The following CCDC3 variants were observed in gnomAD, a reference collection of about 807,000 sequenced individuals.
CCDC3 encodes coiled-coil domain-containing protein 3.
CCDC3 carries 24 observed loss-of-function variants against 21.4 expected under a neutral mutation model. That is an observed-to-expected ratio of 1.12 (90% CI 0.81 to 1.58). CCDC3 has a LOEUF of 1.58. CCDC3 is among the 40% of genes most tolerant of loss of function. The probability of loss-of-function intolerance (pLI) is 0.00; values close to 1 mark genes in which losing one functional copy is unlikely to be tolerated. For missense variants in CCDC3, 425 were observed against 360.9 expected (o/e 1.18, Z -1.44); for synonymous variants, 186 against 166.0 (o/e 1.12, Z -0.93).
At position 12,933,352 on chromosome 10, in the gene CCDC3, C is replaced by T. The variant is rs188367292; in HGVS notation, c.550-34673G>A. Among the ~76,000 whole-genome samples the T allele has an allele frequency of 5.7e-3, 866 of 152,020 alleles. 10 individuals are homozygous for T. The highest frequency in any genetic ancestry group is 0.02 in the African/African-American group (824 of 41,448). On this transcript the variant is annotated intron_variant, in intron 2 of 2. Transcript: ENST00000378825. Reference sequence around the variant, plus strand: ...TAGATTATAGGTCTATTCAGATTCTCTTTCTTTTTACATGAATTTTAACAA... The same window carrying T: ...TAGATTATAGGTCTATTCAGATTCTTTTTCTTTTTACATGAATTTTAACAA...
At chr10:12,984,455 T>G (rs1430332735) in intron 2 of CCDC3, among the ~76,000 whole-genome samples, 1 of 152,204 alleles carries the variant, frequency 6.6e-6, no homozygotes, top group Non-Finnish European at 1.5e-5. Flanking sequence ...ACACTGCTGG[T>G]GGGCACGTAA....
intron 2 of CCDC3, among the ~76,000 whole-genome samples, chr10:12,960,586 G>C (rs2580885): frequency 0.99 from 151,054 of 152,304 alleles, 74,927 homozygotes; most frequent in Middle Eastern, 1. Flanking sequence ...TACTTTCGTA[G>C]TAGGCTCTAG....
At chr10:12,922,254 C>T (rs973258761) in intron 2 of CCDC3, among the ~76,000 whole-genome samples, 1 of 152,204 alleles carries the variant, frequency 6.6e-6, no homozygotes, top group Non-Finnish European at 1.5e-5. Context: ...GAGCTGCCCA[C>T]GGAGCACAGG....
In CCDC3 at chr10:12,898,149, C is replaced by T. The variant is rs888997288; in HGVS notation, c.*267G>A. The T allele has an allele frequency of 6.2e-6, 3 of 486,826 alleles. No homozygotes were observed. The highest frequency in any genetic ancestry group is 5.8e-5 in the African/African-American group (3 of 52,118). 30.2% of individuals were successfully genotyped at this position (486,826 alleles called of 1,614,324 possible). A position where few individuals can be genotyped will look rare whatever the true frequency, so the allele number is the denominator to read the frequency against. On this transcript the variant is annotated 3_prime_UTR_variant, in exon 3 of 3. Coordinates refer to ENST00000378825, the MANE Select transcript of CCDC3 (RefSeq NM_031455.4). ...CTTTCTGGGCTGCTCTGCAGGCGAG[C>T]ATTCAGCACTCAGGGATCCCACTGC...
Position 12,898,441 on chromosome 10 carries a change from A to T in CCDC3, c.788T>A (p.Val263Glu). ...ALPHINARGP[V>E]RPPYLRG ...TTACCCCCGCAGGTAGGGGGGGCGC[A>T]CGGGCCCCCGGGCATTGATGTGCGG... is the stretch of plus-strand genomic sequence containing the variant. The change falls in exon 3 of 3, where the codon GTG becomes GAG. Residue 263 changes from valine (V) to glutamate (E), a missense_variant. Coordinates refer to ENST00000378825, the MANE Select transcript of CCDC3 (RefSeq NM_031455.4). 1 of 1,605,504 alleles carries T rather than the reference A, an allele frequency of 6.2e-7. No homozygotes were observed. Among genetic ancestry groups the T allele is most frequent in the African/African-American group, 1.3e-5 (1 of 74,690 alleles).
intron 2 of CCDC3, among the ~76,000 whole-genome samples, chr10:12,951,325 C>T (rs1835005091): frequency 6.6e-6 from 1 of 152,044 alleles, no homozygotes; most frequent in South Asian, 2.1e-4. Flanking sequence ...CACTGCACTC[C>T]AGCCTGGGTG....
chr10:12,961,697 T>C (rs760947313), intron 2 of CCDC3, among the ~76,000 whole-genome samples: 6 of 152,196 alleles, frequency 3.9e-5, no homozygotes, highest in Non-Finnish European at 5.9e-5. Flanking sequence ...AGGAAGTTAA[T>C]GGAGCTTAAG....
intron 2 of CCDC3, among the ~76,000 whole-genome samples, chr10:12,951,188 TA>T (rs1835002619): frequency 1.3e-5 from 2 of 152,112 alleles, no homozygotes; most frequent in Non-Finnish European, 2.9e-5. Context: ...CTGGGAAACA[TA>T]GTGAGACTCT....
At chr10:12,988,132 A>G (rs764201969) in intron 2 of CCDC3, among the ~76,000 whole-genome samples, 1 of 152,120 alleles carries the variant, frequency 6.6e-6, no homozygotes, top group Non-Finnish European at 1.5e-5. Context: ...TCACCTCTCC[A>G]AACCCAGCTT....
At chr10:12,984,284 G>A (rs1043824008) in intron 2 of CCDC3, among the ~76,000 whole-genome samples, 1 of 152,190 alleles carries the variant, frequency 6.6e-6, no homozygotes, top group African/African-American at 2.4e-5. Context: ...CTATGCAAAT[G>A]CCCAATAAGC....
chr10:13,048,419 C>T (rs770083551), intron 5 of CCDC3, among the ~76,000 whole-genome samples: 2 of 152,104 alleles, frequency 1.3e-5, no homozygotes, highest in Non-Finnish European at 2.9e-5. Context: ...GTCTTGATTT[C>T]CTGACCTTGT....
chr10:13,051,730 G>T (rs1174102727), intron 4 of CCDC3, among the ~76,000 whole-genome samples: 2 of 152,112 alleles, frequency 1.3e-5, no homozygotes, highest in African/African-American at 4.8e-5. Context: ...GAGGACTGGG[G>T]GTGGTATGCC....
At chr10:12,911,499 T>C (rs1834269960) in intron 2 of CCDC3, among the ~76,000 whole-genome samples, 1 of 152,238 alleles carries the variant, frequency 6.6e-6, no homozygotes, top group Admixed American at 6.5e-5. Context: ...ATTTCTATTT[T>C]AGTGGCATGA....
Position 12,908,379 on chromosome 10 carries a change from C to T in CCDC3, c.550-9700G>A, listed in dbSNP as rs1023123496. 3.3e-5 allele frequency among the ~76,000 whole-genome samples: 5 copies of T among 151,206 alleles called. No homozygotes were observed. In the East Asian group the frequency reaches 7.8e-4, roughly 24 times the overall value. ...ATCGGTCTCTGGTGGAGATCTCCAACATGCAGCAAGAATAGACTACAAGAG... is the reference window on the plus strand; with the variant it reads ...ATCGGTCTCTGGTGGAGATCTCCAATATGCAGCAAGAATAGACTACAAGAG... On this transcript the variant is annotated intron_variant, in intron 2 of 2. Transcript: ENST00000378825.
chr10:12,972,090 T>G (rs1045485150), intron 2 of CCDC3, among the ~76,000 whole-genome samples: 2 of 152,162 alleles, frequency 1.3e-5, no homozygotes, highest in African/African-American at 4.8e-5. Flanking sequence ...TCTCTCCACC[T>G]AGCACACTGC....
At chr10:12,954,147 A>C (rs1199299398) in intron 2 of CCDC3, among the ~76,000 whole-genome samples, 2 of 152,234 alleles carry the variant, frequency 1.3e-5, no homozygotes, top group African/African-American at 4.8e-5. Flanking sequence ...AGTTGATCAG[A>C]TGTAGCTACA....
At chr10:13,079,471 C>G (rs1454830404) in intron 3 of CCDC3, among the ~76,000 whole-genome samples, 1 of 151,946 alleles carries the variant, frequency 6.6e-6, no homozygotes, top group Non-Finnish European at 1.5e-5. Flanking sequence ...TCAGGCAGGA[C>G]TAAAGCGGGG....
exon 2 of CCDC3, chr10:13,099,291 G>T: frequency 6.6e-6 from 1 of 152,492 alleles, no homozygotes. Flanking sequence ...TACCAGGAGA[G>T]GGCGCATCTG....
intron 5 of CCDC3, among the ~76,000 whole-genome samples, chr10:13,014,263 C>T (rs1428778561): frequency 4.6e-5 from 7 of 150,976 alleles, no homozygotes; most frequent in Non-Finnish European, 8.9e-5. Flanking sequence ...ACCATCCTGG[C>T]TACTATGAAA....
Sources: allele counts gnomAD v4.1 joint callset (sites outside exome capture counted in the v4.1 genomes callset), GRCh38; gene constraint gnomAD v4.1.1; transcripts MANE v1.5; gene names NCBI Gene and HGNC (gene_info 2026-07-23, HGNC 2026-07-21).